SAXO1: variants seen among roughly 807,000 people sequenced by gnomAD.
SAXO1 encodes stabilizer of axonemal microtubules 1.
Under a neutral mutation model 17.5 loss-of-function variants are expected in SAXO1, and 21 were observed. The observed-to-expected ratio is 1.20, with a 90% CI of 0.85 to 1.72. The LOEUF (loss-of-function observed/expected upper bound fraction) is 1.72, where lower values mean the gene tolerates loss of function less well. Ranked by LOEUF, SAXO1 falls within the 40% of genes most tolerant of loss-of-function variation. The pLI is 0.00. For missense variants in SAXO1, 843 were observed against 596.0 expected, an observed-to-expected ratio of 1.41 and a Z score of -4.32; for synonymous variants, 274 against 216.5, an observed-to-expected ratio of 1.27 and a Z score of -2.33.
chr9:19,029,719 A>G (rs1227368649), intron 1 of SAXO1, among the ~76,000 whole-genome samples: 2 of 152,232 alleles, frequency 1.3e-5, no homozygotes, highest in African/African-American at 2.4e-5. Context: ...ATACTCGAGT[A>G]GCTACTGAGC....
rs532430737 is a variant in SAXO1, at chr9:19,002,307, C to G, written c.38+30564G>C. The stretch of plus-strand genomic sequence containing the variant: ...CAGATGGATTCACAGCCGAATTCTA[C>G]CAGAGGTACAAAGAGGAGCTGGTAC... On this transcript the variant is annotated intron_variant, in intron 1 of 3. Coordinates refer to ENST00000380534, the MANE Select transcript of SAXO1 (RefSeq NM_153707.4). Among the ~76,000 whole-genome samples the G allele has an allele frequency of 2.6e-5, 4 of 152,232 alleles. No individual in the cohort carries two copies. The South Asian group carries it at 8.3e-4, about 32-fold the overall frequency.
At chr9:18,931,899 C>T (rs117831842) in intron 3 of SAXO1, among the ~76,000 whole-genome samples, 61 of 152,244 alleles carry the variant, frequency 4.0e-4, no homozygotes, top group Non-Finnish European at 8.1e-4. Context: ...TTTGCATGTT[C>T]TAAATACAAA....
At chr9:18,971,681 T>C (rs1832948077) in intron 1 of SAXO1, among the ~76,000 whole-genome samples, 1 of 152,230 alleles carries the variant, frequency 6.6e-6, no homozygotes, top group African/African-American at 2.4e-5. Context: ...TACTTCCCTA[T>C]ACTGTGTGTT....
At chr9:18,965,280 T>C (rs961561041) in intron 1 of SAXO1, among the ~76,000 whole-genome samples, 3 of 152,200 alleles carry the variant, frequency 2.0e-5, no homozygotes, top group African/African-American at 4.8e-5. Context: ...GTCCACTTGG[T>C]CCAGGGCTGA....
intron 1 of SAXO1, among the ~76,000 whole-genome samples, chr9:18,964,381 G>T (rs1832629916): frequency 6.6e-6 from 1 of 152,178 alleles, no homozygotes; most frequent in South Asian, 2.1e-4. Context: ...GTAGAATTCA[G>T]CTGTGAATCT....
chr9:19,003,341 G>T (rs564408935), intron 1 of SAXO1, among the ~76,000 whole-genome samples: 1 of 152,266 alleles, frequency 6.6e-6, no homozygotes, highest in South Asian at 2.1e-4. Flanking sequence ...CAGATTCAAT[G>T]CTATCCCCAT....
intron 2 of SAXO1, among the ~76,000 whole-genome samples, chr9:18,947,328 T>C (rs59862486): frequency 0.019 from 2,954 of 152,290 alleles, 86 homozygotes; most frequent in African/African-American, 0.065. Flanking sequence ...TAAATGCCCT[T>C]TCTCTCTTAG....
chr9:18,935,461 G>A (rs1430535163), intron 3 of SAXO1, among the ~76,000 whole-genome samples: 2 of 152,176 alleles, frequency 1.3e-5, no homozygotes, highest in Non-Finnish European at 2.9e-5. Flanking sequence ...ATGATAAGTT[G>A]ATAGATGGGC....
At chr9:18,954,203 G>C (rs1230350600) in intron 1 of SAXO1, among the ~76,000 whole-genome samples, 1 of 152,162 alleles carries the variant, frequency 6.6e-6, no homozygotes, top group Non-Finnish European at 1.5e-5. Flanking sequence ...ACATAACACT[G>C]ACTTTCTGAT....
At chr9:18,966,234 G>A (rs1298946382) in intron 1 of SAXO1, among the ~76,000 whole-genome samples, 2 of 152,102 alleles carry the variant, frequency 1.3e-5, no homozygotes, top group African/African-American at 4.8e-5. Context: ...TGCTCTTCTT[G>A]TGGAGTATCT....
At chr9:19,026,059 T>G (rs926258928) in intron 1 of SAXO1, among the ~76,000 whole-genome samples, 1 of 152,134 alleles carries the variant, frequency 6.6e-6, no homozygotes, top group Non-Finnish European at 1.5e-5. Context: ...GTAGGGTGAC[T>G]ATAGTTATAA....
Position 19,027,476 on chromosome 9 carries a change from T to A in SAXO1, c.38+5395A>T, listed in dbSNP as rs184866193. ...TTGTCAATGAACCACAAGGAGAAGT[T>A]TGAGAACTTGCGGATCCAACATCCA... On this transcript the variant is annotated intron_variant, in intron 1 of 3. Transcript: ENST00000380534. The A allele has an allele frequency of 7.5e-6, 6 of 795,742 alleles. No homozygotes were observed. The African/African-American group carries it at 1.0e-4, about 13-fold the overall frequency. 49.3% of individuals were successfully genotyped at this position (795,742 alleles called of 1,614,324 possible). A position where few individuals can be genotyped will look rare whatever the true frequency, so the allele number is the denominator to read the frequency against.
intron 1 of SAXO1, among the ~76,000 whole-genome samples, chr9:18,960,144 G>A (rs140542712): frequency 6.6e-6 from 1 of 152,170 alleles, no homozygotes; most frequent in Non-Finnish European, 1.5e-5. Context: ...AAAGGAAAAA[G>A]AGTTTCTTCT....
At chr9:19,036,168 T>C (rs1450275439), upstream of SAXO1, among the ~76,000 whole-genome samples, 3 of 149,938 alleles carry the variant, frequency 2.0e-5, no homozygotes, top group East Asian at 5.9e-4. Context: ...GATGGGTTGA[T>C]GGGTGCAGCA....
intron 1 of SAXO1, among the ~76,000 whole-genome samples, chr9:18,955,162 T>C (rs900677693): frequency 2.0e-5 from 3 of 152,140 alleles, no homozygotes; most frequent in East Asian, 1.9e-4. Context: ...TGTCTGGGAA[T>C]AGCCACTGCA....
chr9:18,984,101 T>C (rs1006936294), intron 1 of SAXO1, among the ~76,000 whole-genome samples: 3 of 152,176 alleles, frequency 2.0e-5, no homozygotes, highest in Non-Finnish European at 4.4e-5. Flanking sequence ...ACAGTAATAT[T>C]TTAAAGTTAT....
chr9:18,983,036 TAGCC>T (rs1043465450), intron 1 of SAXO1, among the ~76,000 whole-genome samples: 6 of 151,828 alleles, frequency 4.0e-5, no homozygotes, highest in Non-Finnish European at 8.8e-5. Flanking sequence ...TAAGTAGAGT[TAGCC>T]AGACGGACCA....
intron 3 of SAXO1, among the ~76,000 whole-genome samples, chr9:18,930,958 G>A (rs949326689): frequency 6.6e-6 from 1 of 152,170 alleles, no homozygotes; most frequent in Non-Finnish European, 1.5e-5. Flanking sequence ...AAAAAAAGCT[G>A]CTTCCCAGGA....
intron 1 of SAXO1, among the ~76,000 whole-genome samples, chr9:19,013,239 G>T (rs1192858079): frequency 2.6e-5 from 4 of 152,210 alleles, no homozygotes; most frequent in African/African-American, 7.2e-5. Context: ...CATAAGGCAT[G>T]GCAATTCAGC....
Sources: gnomAD v4.1 joint callset for allele counts (sites outside exome capture counted in the v4.1 genomes callset) on GRCh38, gnomAD v4.1.1 for gene constraint, MANE v1.5 for transcripts, NCBI Gene and HGNC (gene_info 2026-07-23, HGNC 2026-07-21) for gene names.